CHST11: variants seen among roughly 807,000 people sequenced by gnomAD.
CHST11 encodes the protein carbohydrate sulfotransferase 11.
CHST11 carries 9 observed loss-of-function variants against 30.4 expected under a neutral mutation model. That is an observed-to-expected ratio of 0.30 (90% CI 0.18 to 0.52). CHST11 has a LOEUF of 0.52. Ranked by LOEUF, CHST11 falls within the 20% of genes least tolerant of loss-of-function variation. The pLI is 0.97. For missense variants in CHST11, 348 were observed against 460.6 expected (o/e 0.76, Z 2.24); for synonymous variants, 152 against 187.8 (o/e 0.81, Z 1.56).
intron 2 of CHST11, among the ~76,000 whole-genome samples, chr12:104,649,950 C>A (rs2039475280): frequency 6.6e-6 from 1 of 152,166 alleles, no homozygotes; most frequent in Non-Finnish European, 1.5e-5. Flanking sequence ...GAAAACAGTG[C>A]CCTGGCAGCT....
At chr12:104,654,046 G>A (rs2039519362) in intron 2 of CHST11, among the ~76,000 whole-genome samples, 1 of 152,222 alleles carries the variant, frequency 6.6e-6, no homozygotes, top group Non-Finnish European at 1.5e-5. Flanking sequence ...ATGGAACCCT[G>A]TATGGGTGTC....
At chr12:104,681,634 A>G (rs767131999) in intron 2 of CHST11, among the ~76,000 whole-genome samples, 2 of 152,132 alleles carry the variant, frequency 1.3e-5, no homozygotes, top group Non-Finnish European at 2.9e-5. Context: ...AATAATACAA[A>G]GTTTAAAATG....
intron 2 of CHST11, among the ~76,000 whole-genome samples, chr12:104,690,923 C>T (rs1042979694): frequency 1.3e-5 from 2 of 152,230 alleles, no homozygotes; most frequent in African/African-American, 2.4e-5. Flanking sequence ...ACAAGTGCAG[C>T]TTACTCACTG....
At chr12:104,479,765 C>G (rs1215096713) in intron 1 of CHST11, among the ~76,000 whole-genome samples, 1 of 152,152 alleles carries the variant, frequency 6.6e-6, no homozygotes, top group Non-Finnish European at 1.5e-5. Context: ...TTCTGTTTAC[C>G]TCCTGTTGCT....
intron 2 of CHST11, among the ~76,000 whole-genome samples, chr12:104,646,242 C>G (rs1428216691): frequency 6.6e-6 from 1 of 152,206 alleles, no homozygotes; most frequent in East Asian, 1.9e-4. Context: ...TTCTCCTCCT[C>G]CTTTTCTCTC....
rs760886958 is a variant in CHST11, at chr12:104,757,068, G to A, written c.324G>A (p.Lys108=). 7 of 1,614,168 alleles carry A rather than the reference G, an allele frequency of 4.3e-6. No homozygotes were observed. The South Asian group carries it at 6.6e-5, about 15-fold the overall frequency. ...GGGTGCTGACCCCCAACGACCTGAA[G>A]CACTTGGTGGTGGATGAGGACCACG... ...KRRVLTPNDL[K]HLVVDEDHEL... is the part of the protein sequence containing the mutation. Residue 108 remains lysine (K), a synonymous_variant, in exon 3 of 3, where the codon AAG becomes AAA. Transcript: ENST00000303694. The surrounding 1 kb of genome is among the most constrained non-coding windows in gnomAD (Gnocchi z 6.5).
At chr12:104,683,406 C>T (rs1270970068) in intron 2 of CHST11, among the ~76,000 whole-genome samples, 1 of 152,194 alleles carries the variant, frequency 6.6e-6, no homozygotes, top group Non-Finnish European at 1.5e-5. Flanking sequence ...CTTATTTTCA[C>T]TTCGAATCAC....
chr12:104,723,404 C>T (rs1306352971), intron 2 of CHST11, among the ~76,000 whole-genome samples: 2 of 152,222 alleles, frequency 1.3e-5, no homozygotes, highest in Non-Finnish European at 2.9e-5. Flanking sequence ...CAGGCCTCTG[C>T]CTGCACCACC....
intron 2 of CHST11, among the ~76,000 whole-genome samples, chr12:104,641,647 A>C (rs919477893): frequency 6.6e-5 from 10 of 152,168 alleles, no homozygotes; most frequent in African/African-American, 2.2e-4. Context: ...GAAGCTCTAT[A>C]TACTTTCCAC....
intron 2 of CHST11, among the ~76,000 whole-genome samples, chr12:104,716,197 C>T (rs4964831): frequency 0.54 from 82,225 of 152,116 alleles, 24,481 homozygotes; most frequent in East Asian, 0.78. Context: ...TAAATGGGGA[C>T]TCCCTTCCTT....
chr12:104,753,085 C>G (rs2040446659), intron 2 of CHST11, among the ~76,000 whole-genome samples: 1 of 152,184 alleles, frequency 6.6e-6, no homozygotes, highest in Non-Finnish European at 1.5e-5. Context: ...CACTCTGGCT[C>G]AAGTCACAGT....
At chr12:104,712,974 C>T (rs1330731069) in intron 2 of CHST11, among the ~76,000 whole-genome samples, 1 of 150,860 alleles carries the variant, frequency 6.6e-6, no homozygotes, top group Non-Finnish European at 1.5e-5. Context: ...CCCCTTCCCA[C>T]CTTCCCCTCC....
rs1435133907 is a variant in CHST11, at chr12:104,729,789, T to C, written c.205-27160T>C. Among the ~76,000 whole-genome samples the C allele has an allele frequency of 6.6e-6, 1 of 150,486 alleles. No homozygotes were observed. Among genetic ancestry groups the C allele is most frequent in the Non-Finnish European group, 1.5e-5 (1 of 67,638 alleles). On this transcript the variant is annotated intron_variant, in intron 2 of 2. Transcript: ENST00000303694. The surrounding 1 kb of genome is among the most constrained non-coding windows in gnomAD (Gnocchi z 4.0). ...CGCTGGGGCAGAGGTCTGCGGAGAG[T>C]AGGTTGGGTTTAGAAAAATGAAGAG...
Position 104,584,458 on chromosome 12 carries a change from C to T in CHST11, c.119-17448C>T, listed in dbSNP as rs145022044. 9.8e-3 allele frequency among the ~76,000 whole-genome samples: 1,492 copies of T among 151,574 alleles called. 12 individuals carry two copies. Among genetic ancestry groups the T allele is most frequent in the Non-Finnish European group, 0.015 (1,050 of 67,832 alleles). On this transcript the variant is annotated intron_variant, in intron 1 of 2. Coordinates refer to ENST00000303694, the MANE Select transcript of CHST11 (RefSeq NM_018413.6). ...TTTTAGTAGAGATGGGGTTTTACCA[C>T]GTTAGCCAGACTGGTCTTGAACTCC...
intron 1 of CHST11, among the ~76,000 whole-genome samples, chr12:104,535,797 G>A (rs1408501803): frequency 6.6e-6 from 1 of 152,132 alleles, no homozygotes. Flanking sequence ...ATTCATTTGT[G>A]GCAGTATAGA....
intron 2 of CHST11, among the ~76,000 whole-genome samples, chr12:104,691,528 G>A (rs547059635): frequency 6.1e-5 from 9 of 146,720 alleles, no homozygotes; most frequent in Non-Finnish European, 8.9e-5. Flanking sequence ...TCACTCTGTC[G>A]CTAGGCTGGA....
At chr12:104,508,694 A>G (rs1162170085) in intron 1 of CHST11, among the ~76,000 whole-genome samples, 3 of 152,342 alleles carry the variant, frequency 2.0e-5, no homozygotes, top group Admixed American at 6.5e-5. Context: ...CAATGATGAT[A>G]TGATTGCTTC....
intron 2 of CHST11, among the ~76,000 whole-genome samples, chr12:104,627,013 C>G (rs2039222300): frequency 6.6e-6 from 1 of 152,180 alleles, no homozygotes; most frequent in Non-Finnish European, 1.5e-5. Context: ...CCTCCCTCCC[C>G]CCAAGCACTG....
At chr12:104,602,022 A>ATTTTTT in intron 2 of CHST11, 31 bp downstream of exon 2, 1 of 1,204,542 alleles carries the variant, frequency 8.3e-7, no homozygotes, top group Non-Finnish European at 1.2e-6. Flanking sequence ...CAGCATGTGA[A>ATTTTTT]TTTTTTTTTT....
Sources: allele counts gnomAD v4.1 joint callset (sites outside exome capture counted in the v4.1 genomes callset), GRCh38; gene constraint gnomAD v4.1.1; non-coding constraint Gnocchi (gnomAD v3.1); transcripts MANE v1.5; gene names NCBI Gene and HGNC (gene_info 2026-07-23, HGNC 2026-07-21).